MCPH1: variants seen among roughly 807,000 people sequenced by gnomAD.
MCPH1 encodes the protein microcephalin.
Under a neutral mutation model 84.5 loss-of-function variants are expected in MCPH1, and 104 were observed. That is an observed-to-expected ratio of 1.23 (90% CI 1.05 to 1.45). MCPH1 has a LOEUF of 1.45. MCPH1 is among the 40% of genes most tolerant of loss of function. The pLI is 0.00. For missense variants in MCPH1, 1,498 were observed against 1,005.7 expected, an observed-to-expected ratio of 1.49 and a Z score of -6.62; for synonymous variants, 514 against 366.8, an observed-to-expected ratio of 1.40 and a Z score of -4.58.
Position 6,445,451 on chromosome 8 carries a change from G to C in MCPH1, c.1729G>C (p.Glu577Gln). 3 of 1,614,224 alleles carry C rather than the reference G, an allele frequency of 1.9e-6. No individual in the cohort carries two copies. Among genetic ancestry groups the C allele is most frequent in the Non-Finnish European group, 2.5e-6 (3 of 1,180,046 alleles). ...CAAAATATCAAACTCCTCTGAAGGC[G>C]AAGCCCAGAGTGAACATGAGCCATG... ...TSKISNSSEG[E>Q]AQSEHEPCFI... Residue 577 changes from glutamate (E) to glutamine (Q), a missense_variant, in exon 8 of 14, where the codon GAA becomes CAA. Glu to Gln is a conservative substitution (Grantham distance 29). Transcript: ENST00000344683.
chr8:6,629,169 C>G (rs767613024), intron 13 of MCPH1, among the ~76,000 whole-genome samples: 4 of 152,130 alleles, frequency 2.6e-5, no homozygotes, highest in African/African-American at 9.7e-5. Context: ...TGTCCTTATA[C>G]GAAGAGGAAG....
intron 4 of MCPH1, among the ~76,000 whole-genome samples, chr8:6,433,692 C>G (rs1314467981): frequency 1.4e-5 from 2 of 146,664 alleles, no homozygotes; most frequent in Non-Finnish European, 3.0e-5. Context: ...TTGGATGTTA[C>G]TAATCTTTTT....
chr8:6,442,098 TCC>T lies in MCPH1; in HGVS notation c.613_614del (p.Pro205LysfsTer2). The stretch of plus-strand genomic sequence containing the variant: ...AAATGATTCAGCAGTCTCATGATAA[TCC>T]AAGTAACTCTCTGTGTGAAGCACCT... ...SQMIQQSHDN[P>X]SNSLCEAPLN... is the part of the protein sequence containing the mutation. On this transcript the variant is annotated frameshift_variant, in exon 7 of 14. Coordinates refer to ENST00000344683, the MANE Select transcript of MCPH1 (RefSeq NM_024596.5). LOFTEE classifies it high-confidence loss of function. The T allele has an allele frequency of 6.2e-7, 1 of 1,613,668 alleles. No homozygotes were observed. The highest frequency in any genetic ancestry group is 1.1e-5 in the South Asian group (1 of 91,070).
chr8:6,550,478 G>T (rs1823442429), intron 12 of MCPH1, among the ~76,000 whole-genome samples: 1 of 152,206 alleles, frequency 6.6e-6, no homozygotes, highest in African/African-American at 2.4e-5. Context: ...CTCCCCTCCG[G>T]GGTGAAGCGG....
At chr8:6,479,969 A>G (rs187657755) in intron 10 of MCPH1, among the ~76,000 whole-genome samples, 1 of 152,174 alleles carries the variant, frequency 6.6e-6, no homozygotes, top group Non-Finnish European at 1.5e-5. Flanking sequence ...GTTGATACTC[A>G]ATAAATATTA....
chr8:6,514,827 C>A (rs199778883), intron 12 of MCPH1: 4 of 1,513,172 alleles, frequency 2.6e-6, no homozygotes, highest in South Asian at 1.1e-5. Context: ...CCCACTCCCC[C>A]CTTACGTAGC....
intron 12 of MCPH1, chr8:6,521,085 G>A (rs139525409): frequency 2.4e-4 from 214 of 876,348 alleles, no homozygotes; most frequent in African/African-American, 2.0e-3. Context: ...GAGAAATAGC[G>A]CCTTTTCTGA....
At chr8:6,588,543 C>T (rs1176911191) in intron 12 of MCPH1, among the ~76,000 whole-genome samples, 1 of 152,140 alleles carries the variant, frequency 6.6e-6, no homozygotes, top group African/African-American at 2.4e-5. Flanking sequence ...TGTGTCCAGC[C>T]GGGCTCCTGG....
intron 12 of MCPH1, chr8:6,513,652 C>A (rs755390665): frequency 7.6e-6 from 12 of 1,583,342 alleles, no homozygotes; most frequent in Non-Finnish European, 1.0e-5. Flanking sequence ...TTAATTTTTT[C>A]TTTCAATTAC....
At chr8:6,503,391 A>G (rs943809465) in intron 12 of MCPH1, 3 of 875,728 alleles carry the variant, frequency 3.4e-6, no homozygotes, top group Admixed American at 4.2e-5. Flanking sequence ...GATGATGGTG[A>G]GTATAGGATG....
intron 12 of MCPH1, among the ~76,000 whole-genome samples, chr8:6,514,221 A>C (rs781455973): frequency 2.0e-5 from 3 of 152,074 alleles, no homozygotes; most frequent in Non-Finnish European, 4.4e-5. Context: ...TGAGAGTCTT[A>C]CTCTGTTGCC....
intron 12 of MCPH1, chr8:6,618,586 C>T (rs925603115): frequency 3.9e-5 from 6 of 152,088 alleles, no homozygotes; most frequent in Non-Finnish European, 8.8e-5. Context: ...TAAAAATACA[C>T]AGAGAATTTT....
chr8:6,503,206 C>T lies in MCPH1; in HGVS notation c.2214+3277C>T, dbSNP rs1179079767. ...CGTTGAACTTATTTGTGTTCTGCCT[C>T]TGTGGATAGTACATTCCGTTCAAGT... is the stretch of plus-strand genomic sequence containing the variant. On this transcript the variant is annotated intron_variant, in intron 12 of 13. Transcript: ENST00000344683. 6 of 1,614,070 alleles carry T rather than the reference C, an allele frequency of 3.7e-6. No homozygotes were observed. Among genetic ancestry groups the T allele is most frequent in the Non-Finnish European group, 5.1e-6 (6 of 1,180,038 alleles).
rs7814961 is a variant in MCPH1, at chr8:6,562,839, C to T, written c.2215-58615C>T. 2.4e-3 allele frequency: 3,924 copies of T among 1,613,906 alleles called. 75 individuals are homozygous for T. The African/African-American group carries it at 0.045, about 18-fold the overall frequency. On this transcript the variant is annotated intron_variant, in intron 12 of 13. Transcript: ENST00000344683. ...AGGACCCATGCTGGACCTGATATTG[C>T]TTCTTTCCTATGCTGTCCATGCTCT...
intron 9 of MCPH1, among the ~76,000 whole-genome samples, chr8:6,458,747 C>T (rs1400557741): frequency 6.6e-6 from 1 of 152,060 alleles, no homozygotes; most frequent in African/African-American, 2.4e-5. Context: ...TGAATTTAAG[C>T]GATTCTCCTG....
At chr8:6,516,995 C>T (rs1816386039) in intron 12 of MCPH1, among the ~76,000 whole-genome samples, 1 of 152,260 alleles carries the variant, frequency 6.6e-6, no homozygotes, top group South Asian at 2.1e-4. Flanking sequence ...CTTAGTACTT[C>T]ATCCAGGTTT....
chr8:6,592,966 C>T lies in MCPH1; in HGVS notation c.2215-28488C>T, dbSNP rs530680162. ...ACAGGCGTGAGCCACCGTGCCAGGC[C>T]GGCTCTTGTTTTTCTCTTCCCCCTA... On this transcript the variant is annotated intron_variant, in intron 12 of 13. Coordinates refer to ENST00000344683, the MANE Select transcript of MCPH1 (RefSeq NM_024596.5). 1.4e-4 allele frequency among the ~76,000 whole-genome samples: 21 copies of T among 151,428 alleles called. No homozygotes were observed. The South Asian group carries it at 2.7e-3, about 20-fold the overall frequency.
chr8:6,419,152 G>GACACACAC (rs1177481281), intron 3 of MCPH1, among the ~76,000 whole-genome samples: 122 of 59,352 alleles, frequency 2.1e-3, no homozygotes, highest in African/African-American at 5.6e-3. Context: ...CACACACACA[G>GACACACAC]ACACACACAC....
chr8:6,436,153 A>C lies in MCPH1; in HGVS notation c.427A>C (p.Thr143Pro). Residue 143 changes from threonine to proline, a missense_variant, in exon 5 of 14, where the codon ACA becomes CCA. Transcript: ENST00000344683. ...GGCTAAAGAGCTACAAAGGCAAAAA[A>C]CAAATCTAGGTAAGCTAAGAAATAT... Reference protein sequence around the residue: ...KMAKELQRQKTNLDDDVPILL... With the variant: ...KMAKELQRQKPNLDDDVPILL... The C allele has an allele frequency of 6.2e-7, 1 of 1,613,336 alleles. No individual in the cohort carries two copies. The highest frequency in any genetic ancestry group is 1.3e-5 in the African/African-American group (1 of 75,054).
Sources: gnomAD v4.1 joint callset for allele counts (sites outside exome capture counted in the v4.1 genomes callset) on GRCh38, gnomAD v4.1.1 for gene constraint, MANE v1.5 for transcripts, NCBI Gene and HGNC (gene_info 2026-07-23, HGNC 2026-07-21) for gene names.